Variants in CCNT2 observed in about 807,000 individuals in gnomAD.
CCNT2 encodes cyclin T2.
In CCNT2, 18 loss-of-function variants were observed where a neutral mutation model predicts 70.0. The ratio of observed to expected loss-of-function variants is 0.26; its 90% CI spans 0.18 to 0.38. The LOEUF (loss-of-function observed/expected upper bound fraction) is 0.38, where lower values mean the gene tolerates loss of function less well. Ranked by LOEUF, CCNT2 falls within the 10% of genes least tolerant of loss-of-function variation. The pLI, the probability that CCNT2 is intolerant of heterozygous loss-of-function variation, is 1.00. For missense variants in CCNT2, 734 were observed against 890.2 expected (o/e 0.82, Z 2.23); for synonymous variants, 334 against 313.3 (o/e 1.07, Z -0.70).
intron 2 of CCNT2, among the ~76,000 whole-genome samples, chr2:134,922,068 C>G (rs759082719): frequency 6.6e-6 from 1 of 152,100 alleles, no homozygotes; most frequent in Admixed American, 6.5e-5. Context: ...CCCCCCTGTT[C>G]TTTTAGGGCA....
intron 7 of CCNT2, among the ~76,000 whole-genome samples, chr2:134,948,188 G>A (rs1413823104): frequency 2.0e-5 from 3 of 151,994 alleles, no homozygotes; most frequent in Non-Finnish European, 2.9e-5. Context: ...GTGTGGTGGT[G>A]CGTGCCTATA....
chr2:134,945,358 G>T, intron 5 of CCNT2: 1 of 985,414 alleles, frequency 1.0e-6, no homozygotes. Flanking sequence ...GAGCATCCCT[G>T]TTGGGAAGAC....
At chr2:134,947,944 G>A (rs564500383) in intron 7 of CCNT2, 45 bp downstream of exon 7, 3 of 1,180,576 alleles carry the variant, frequency 2.5e-6, no homozygotes, top group East Asian at 2.6e-5. Flanking sequence ...TATCTAAGTT[G>A]GCAGTTGTCT....
intron 2 of CCNT2, among the ~76,000 whole-genome samples, chr2:134,931,143 T>C (rs2105033394): frequency 6.6e-6 from 1 of 152,022 alleles, no homozygotes; most frequent in East Asian, 1.9e-4. Flanking sequence ...TTTGTATTTT[T>C]AGTAGAGACG....
intron 7 of CCNT2, among the ~76,000 whole-genome samples, chr2:134,948,706 G>C (rs1559110898): frequency 6.7e-6 from 1 of 148,362 alleles, no homozygotes; most frequent in Non-Finnish European, 1.5e-5. Flanking sequence ...ATTTCAGCAA[G>C]AAAATAGATA....
chr2:134,945,492 GTTAGTCTTTAA>G, intron 5 of CCNT2: 1 of 985,388 alleles, frequency 1.0e-6, no homozygotes, highest in Non-Finnish European at 1.2e-6. Flanking sequence ...TCTTTCCTAA[GTTAGTCTTTAA>G]TTAGATTCTG....
In CCNT2 at chr2:134,936,931, C is replaced by T; in HGVS notation, c.331C>T (p.Leu111Phe). The T allele has an allele frequency of 6.2e-7, 1 of 1,610,536 alleles. No individual in the cohort carries two copies. Among genetic ancestry groups the T allele is most frequent in the Non-Finnish European group, 8.5e-7 (1 of 1,176,900 alleles). Residue 111 changes from leucine (L) to phenylalanine (F), a missense_variant, in exon 3 of 9, where the codon CTT (leucine) becomes TTT (phenylalanine). Physicochemically the swap from Leu to Phe is conservative, Grantham distance 22. Around this residue, in one of 3 missense-constraint regions of CCNT2, gnomAD observed 161 missense variants for 303.8 expected, o/e 0.53. Transcript: ENST00000264157. ...TGTTATCAAAGTAGCACATGCTTGT[C>T]TTCATCCTCTAGAGCCACTGCTGGA... is the stretch of plus-strand genomic sequence containing the variant. ...EHVIKVAHACLHPLEPLLDTK... is the reference protein window; with the variant it reads ...EHVIKVAHACFHPLEPLLDTK...
chr2:134,936,484 G>A (rs1681165385), intron 2 of CCNT2, among the ~76,000 whole-genome samples: 1 of 151,966 alleles, frequency 6.6e-6, no homozygotes, highest in Admixed American at 6.6e-5. Context: ...CTGGGTACAG[G>A]GGCTTATGCC....
At chr2:134,948,492 G>T (rs1476215339) in intron 7 of CCNT2, among the ~76,000 whole-genome samples, 1 of 152,166 alleles carries the variant, frequency 6.6e-6, no homozygotes, top group East Asian at 1.9e-4. Flanking sequence ...TCAGGGGATT[G>T]TGTTTCTTGC....
chr2:134,923,341 AATTC>A (rs1485640153), intron 2 of CCNT2, among the ~76,000 whole-genome samples: 1 of 152,162 alleles, frequency 6.6e-6, no homozygotes, highest in Non-Finnish European at 1.5e-5. Flanking sequence ...TGTTCATTTC[AATTC>A]ATTGTTATAC....
rs1682612770 is a variant in CCNT2 at position 134,952,728 on chromosome 2, G to A, written c.774+17G>A. On this transcript the variant is annotated intron_variant, in intron 8 of 8. Transcript: ENST00000264157. Reference sequence around the variant, plus strand: ...AACTGGAGGGTAAGAGAATTGACAGGGTTTAACAGAATTTCAGTCTTTTAT... The same window carrying A: ...AACTGGAGGGTAAGAGAATTGACAGAGTTTAACAGAATTTCAGTCTTTTAT... 2 of 1,578,324 alleles carry A rather than the reference G, an allele frequency of 1.3e-6. No homozygotes were observed. The highest frequency in any genetic ancestry group is 1.7e-5 in the Admixed American group (1 of 58,878).
At chr2:134,952,196 G>C (rs1395923368) in intron 7 of CCNT2, among the ~76,000 whole-genome samples, 2 of 152,144 alleles carry the variant, frequency 1.3e-5, no homozygotes, top group East Asian at 3.8e-4. Flanking sequence ...GCACTTTAAA[G>C]TCACTATTTT....
At chr2:134,933,254 A>G (rs966468153) in intron 2 of CCNT2, among the ~76,000 whole-genome samples, 4 of 152,198 alleles carry the variant, frequency 2.6e-5, no homozygotes, top group African/African-American at 9.7e-5. Context: ...ATACAAATAC[A>G]CCCACAAAGT....
At chr2:134,946,373 C>A in intron 6 of CCNT2, 1 of 1,261,032 alleles carries the variant, frequency 7.9e-7, no homozygotes, top group Non-Finnish European at 1.0e-6. Flanking sequence ...GACATATTCT[C>A]GATTTGTGAG....
chr2:134,932,142 A>G (rs1404251399), intron 2 of CCNT2, among the ~76,000 whole-genome samples: 1 of 151,230 alleles, frequency 6.6e-6, no homozygotes, highest in South Asian at 2.1e-4. Context: ...GTGCCACCAT[A>G]CCTGGCTAAT....
At chr2:134,935,289 C>A (rs189498257) in intron 2 of CCNT2, among the ~76,000 whole-genome samples, 2 of 152,158 alleles carry the variant, frequency 1.3e-5, no homozygotes. Flanking sequence ...TCTTGGGAGC[C>A]AAACTCTATT....
chr2:134,919,966 T>C, intron 2 of CCNT2, 75 bp downstream of exon 2: 1 of 972,188 alleles, frequency 1.0e-6, no homozygotes. Flanking sequence ...AGTTGGTCAT[T>C]GCGTTGTTGG....
chr2:134,934,160 G>T (rs1680988597), intron 2 of CCNT2, among the ~76,000 whole-genome samples: 1 of 152,196 alleles, frequency 6.6e-6, no homozygotes, highest in Non-Finnish European at 1.5e-5. Context: ...ACACTATTCA[G>T]AGTTCAAACA....
chr2:134,930,555 A>G (rs1404752632), intron 2 of CCNT2, among the ~76,000 whole-genome samples: 1 of 152,098 alleles, frequency 6.6e-6, no homozygotes, highest in Non-Finnish European at 1.5e-5. Context: ...GTAACTTTAG[A>G]CTCCAATAAT....
Sources: allele counts gnomAD v4.1 joint callset (sites outside exome capture counted in the v4.1 genomes callset), GRCh38; gene constraint gnomAD v4.1.1; regional missense constraint gnomAD v4.1.1; transcripts MANE v1.5; gene names NCBI Gene and HGNC (gene_info 2026-07-23, HGNC 2026-07-21).